SPIDR: variants seen among roughly 807,000 people sequenced by gnomAD.
The protein encoded by SPIDR is DNA repair-scaffolding protein.
Under a neutral mutation model 104.6 loss-of-function variants are expected in SPIDR, and 93 were observed. That is an observed-to-expected ratio of 0.89 (90% CI 0.75 to 1.06). The LOEUF is 1.06. SPIDR is among the 50% of genes least tolerant of loss of function. The pLI, the probability that SPIDR is intolerant of heterozygous loss-of-function variation, is 0.00. For synonymous variants in SPIDR, 431 were observed against 416.9 expected (o/e 1.03, Z -0.41); for missense variants, 1,154 against 1,111.2 (o/e 1.04, Z -0.55).
At chr8:47,365,015 C>T (rs564356336) in intron 5 of SPIDR, among the ~76,000 whole-genome samples, 2 of 152,242 alleles carry the variant, frequency 1.3e-5, no homozygotes, top group Non-Finnish European at 2.9e-5. Context: ...ATGTACAGCA[C>T]AGCATCTGTA....
rs781917073 is a variant in SPIDR, at chr8:47,491,639, T to C, written c.1097+51097T>C. Among the ~76,000 whole-genome samples the C allele has an allele frequency of 5.9e-5, 9 of 152,136 alleles. 1 individual carries two copies. The highest frequency in any genetic ancestry group is 1.2e-4 in the Non-Finnish European group (8 of 68,018). ...AAACGTGCTGAGGGCCAGGGGCAGC[T>C]GTTCAGAGTTGCTGTTCTCTGCTGT... is the stretch of plus-strand genomic sequence containing the variant. On this transcript the variant is annotated intron_variant, in intron 8 of 19. Coordinates refer to ENST00000297423, the MANE Select transcript of SPIDR (RefSeq NM_001080394.4).
At chr8:47,690,635 A>G (rs992054155) in intron 11 of SPIDR, among the ~76,000 whole-genome samples, 3 of 152,002 alleles carry the variant, frequency 2.0e-5, no homozygotes, top group Non-Finnish European at 4.4e-5. Context: ...CCTTGCCAAC[A>G]TGGAGAAACT....
At chr8:47,305,265 A>G (rs2154250815) in intron 5 of SPIDR, among the ~76,000 whole-genome samples, 1 of 152,338 alleles carries the variant, frequency 6.6e-6, no homozygotes, top group East Asian at 1.9e-4. Context: ...AGTGACTCCT[A>G]TGCAAATACA....
chr8:47,489,302 G>GA (rs1238988487), intron 8 of SPIDR, among the ~76,000 whole-genome samples: 1 of 152,214 alleles, frequency 6.6e-6, no homozygotes, highest in East Asian at 1.9e-4. Context: ...CAAGGGATGT[G>GA]AAGGACCTCT....
chr8:47,521,186 A>G (rs2084018501), intron 8 of SPIDR, among the ~76,000 whole-genome samples: 1 of 152,182 alleles, frequency 6.6e-6, no homozygotes, highest in Non-Finnish European at 1.5e-5. Flanking sequence ...AGCTGTTCCA[A>G]GGCAAAGTTG....
chr8:47,512,646 C>T (rs1302009904), intron 8 of SPIDR, among the ~76,000 whole-genome samples: 1 of 152,084 alleles, frequency 6.6e-6, no homozygotes, highest in African/African-American at 2.4e-5. Flanking sequence ...CACGGCTGCT[C>T]CTGGGAATGT....
chr8:47,495,474 G>A (rs2079299909), intron 8 of SPIDR, among the ~76,000 whole-genome samples: 1 of 151,766 alleles, frequency 6.6e-6, no homozygotes, highest in African/African-American at 2.4e-5. Flanking sequence ...TACTCACAGA[G>A]TTGTACAACC....
At chr8:47,591,494 C>T (rs1410537394) in intron 8 of SPIDR, among the ~76,000 whole-genome samples, 5 of 151,090 alleles carry the variant, frequency 3.3e-5, no homozygotes, top group Non-Finnish European at 7.4e-5. Context: ...TTTACTAAAA[C>T]ATAAGATTTG....
intron 8 of SPIDR, among the ~76,000 whole-genome samples, chr8:47,545,473 G>C (rs2089195694): frequency 1.3e-5 from 2 of 152,020 alleles, no homozygotes; most frequent in African/African-American, 4.8e-5. Context: ...TGATTTTTGT[G>C]TGTTGATTTT....
intron 5 of SPIDR, among the ~76,000 whole-genome samples, chr8:47,307,534 T>G (rs1181838670): frequency 1.1e-5 from 1 of 88,490 alleles, no homozygotes. Context: ...TCTCATTTCG[T>G]TTTTTTTTTT....
At chr8:47,669,135 G>GCCC (rs1024025575) in intron 10 of SPIDR, among the ~76,000 whole-genome samples, 1 of 152,112 alleles carries the variant, frequency 6.6e-6, no homozygotes, top group African/African-American at 2.4e-5. Context: ...ACATAATGCT[G>GCCC]CCCCCCGGGA....
intron 1 of SPIDR, among the ~76,000 whole-genome samples, chr8:47,275,550 A>G (rs1047085753): frequency 2.0e-5 from 3 of 152,114 alleles, no homozygotes; most frequent in Admixed American, 6.6e-5. Flanking sequence ...CGTTGCATAT[A>G]TTTTTTAGTT....
intron 8 of SPIDR, among the ~76,000 whole-genome samples, chr8:47,562,046 A>G (rs1157708273): frequency 6.6e-6 from 1 of 152,208 alleles, no homozygotes; most frequent in Non-Finnish European, 1.5e-5. Flanking sequence ...TATAACCAGA[A>G]AAAGATTTGT....
chr8:47,722,639 G>A (rs2083564320), intron 16 of SPIDR, among the ~76,000 whole-genome samples: 1 of 152,096 alleles, frequency 6.6e-6, no homozygotes, highest in African/African-American at 2.4e-5. Flanking sequence ...GTAACATTCT[G>A]TTGTATAACT....
intron 6 of SPIDR, among the ~76,000 whole-genome samples, chr8:47,400,987 G>GCC (rs1327996955): frequency 1.3e-5 from 2 of 151,968 alleles, no homozygotes; most frequent in African/African-American, 4.8e-5. Context: ...TACAGAGAAT[G>GCC]CCACCAAGAT....
chr8:47,704,918 G>T (rs2080854615), intron 14 of SPIDR, among the ~76,000 whole-genome samples: 1 of 152,194 alleles, frequency 6.6e-6, no homozygotes, highest in Non-Finnish European at 1.5e-5. Context: ...ACGCTCCTCT[G>T]CCTACCTTGA....
intron 10 of SPIDR, among the ~76,000 whole-genome samples, chr8:47,615,455 ATT>A (rs2064164141): frequency 7.5e-6 from 1 of 133,456 alleles, no homozygotes; most frequent in Non-Finnish European, 1.6e-5. Context: ...TGACATTTCT[ATT>A]TCTGCGAAAA....
At chr8:47,494,793 G>A (rs2079201032) in intron 8 of SPIDR, among the ~76,000 whole-genome samples, 1 of 152,156 alleles carries the variant, frequency 6.6e-6, no homozygotes, top group African/African-American at 2.4e-5. Flanking sequence ...CCATCTCTAA[G>A]GATTTCTTTC....
intron 5 of SPIDR, among the ~76,000 whole-genome samples, chr8:47,393,956 G>A (rs782247051): frequency 6.6e-6 from 1 of 151,660 alleles, no homozygotes; most frequent in Non-Finnish European, 1.5e-5. Context: ...CCAGGCTGGA[G>A]TGCAGTGGTG....
Sources: allele counts gnomAD v4.1 joint callset (sites outside exome capture counted in the v4.1 genomes callset), GRCh38; gene constraint gnomAD v4.1.1; transcripts MANE v1.5; gene names NCBI Gene and HGNC (gene_info 2026-07-23, HGNC 2026-07-21).